Variants in CCDC7 observed in about 807,000 individuals in gnomAD.
CCDC7 encodes the protein coiled-coil domain containing 7, also known as coiled-coil domain-containing protein 7.
CCDC7 carries 183 observed loss-of-function variants against 196.9 expected under a neutral mutation model. That is an observed-to-expected ratio of 0.93 (90% CI 0.82 to 1.05). The LOEUF is 1.05. Among genes scored for constraint, CCDC7 ranks in the 50% least tolerant of loss-of-function variants. CCDC7 has a pLI of 0.00. For synonymous variants in CCDC7, 525 were observed against 484.6 expected, an observed-to-expected ratio of 1.08 and a Z score of -1.10; for missense variants, 1,540 against 1,482.2, an observed-to-expected ratio of 1.04 and a Z score of -0.64.
intron 9 of CCDC7, among the ~76,000 whole-genome samples, chr10:32,495,059 G>T (rs575754052): frequency 6.6e-6 from 1 of 152,230 alleles, no homozygotes; most frequent in African/African-American, 2.4e-5. Context: ...AGCATCTGTT[G>T]TTTCCTGACT....
chr10:32,761,176 A>T (rs1056020911), intron 28 of CCDC7, among the ~76,000 whole-genome samples: 1 of 152,054 alleles, frequency 6.6e-6, no homozygotes, highest in Non-Finnish European at 1.5e-5. Flanking sequence ...TCTTAACATA[A>T]TACAGAAGAG....
intron 33 of CCDC7, among the ~76,000 whole-genome samples, chr10:32,844,030 A>G (rs2093137874): frequency 6.6e-6 from 1 of 151,884 alleles, no homozygotes; most frequent in Admixed American, 6.6e-5. Flanking sequence ...CTTCCATTCT[A>G]TGGTATCTGG....
intron 41 of CCDC7, among the ~76,000 whole-genome samples, chr10:32,861,809 G>T (rs184177912): frequency 0.054 from 8,207 of 152,078 alleles, 726 homozygotes; most frequent in African/African-American, 0.19. Flanking sequence ...ACAAACATAT[G>T]AAAAAAAGAT....
chr10:32,674,488 T>G (rs572995077), intron 21 of CCDC7, among the ~76,000 whole-genome samples: 3 of 152,246 alleles, frequency 2.0e-5, no homozygotes, highest in African/African-American at 7.2e-5. Flanking sequence ...TGTTTAAGAC[T>G]TGTTTTGTGA....
intron 33 of CCDC7, among the ~76,000 whole-genome samples, chr10:32,841,650 G>A (rs1245492427): frequency 1.3e-5 from 2 of 151,876 alleles, no homozygotes; most frequent in African/African-American, 4.8e-5. Flanking sequence ...AGCCCACATA[G>A]CCAAAGCAAG....
At chr10:32,470,987 G>T in intron 5 of CCDC7, 77 bp from the exon 7 acceptor site, 1 of 1,320,536 alleles carries the variant, frequency 7.6e-7, no homozygotes, top group Non-Finnish European at 1.0e-6. Context: ...ATTTAATAAA[G>T]GAGATAATGA....
downstream of CCDC7, among the ~76,000 whole-genome samples, chr10:32,878,652 A>C (rs76905525): frequency 0.043 from 6,472 of 152,170 alleles, 464 homozygotes; most frequent in African/African-American, 0.15. Context: ...TGAGGTAGTC[A>C]GATCTAAGAA....
chr10:32,486,860 A>G (rs912683841), intron 8 of CCDC7, among the ~76,000 whole-genome samples: 6 of 151,776 alleles, frequency 4.0e-5, no homozygotes, highest in African/African-American at 9.7e-5. Flanking sequence ...CCGAGAGATC[A>G]GCTGTTAGTC....
At chr10:32,698,441 G>T (rs1396836960) in intron 24 of CCDC7, among the ~76,000 whole-genome samples, 1 of 152,106 alleles carries the variant, frequency 6.6e-6, no homozygotes, top group Non-Finnish European at 1.5e-5. Flanking sequence ...TTGCAAGGAA[G>T]CTAAAAACCT....
intron 28 of CCDC7, among the ~76,000 whole-genome samples, chr10:32,735,234 C>T (rs1425893511): frequency 3.3e-5 from 5 of 152,182 alleles, no homozygotes; most frequent in Admixed American, 6.5e-5. Context: ...AGCACGATTG[C>T]TGTATCATAT....
chr10:32,632,705 T>G (rs567938399), intron 18 of CCDC7, among the ~76,000 whole-genome samples: 1 of 152,252 alleles, frequency 6.6e-6, no homozygotes, highest in South Asian at 2.1e-4. Context: ...CCATTGGTCA[T>G]TTAGGAGTGT....
In CCDC7 at chr10:32,538,060, T is replaced by C. The variant is rs1018339679; in HGVS notation, c.994-5240T>C. On this transcript the variant is annotated intron_variant, in intron 11 of 41. Coordinates refer to ENST00000639629, the Ensembl canonical transcript of CCDC7. ...ATTGGTAGTTTGATAGGAATAGCATTGAATCTTTAAATCACTTTGGGCAGT... is the reference window on the plus strand; with the variant it reads ...ATTGGTAGTTTGATAGGAATAGCATCGAATCTTTAAATCACTTTGGGCAGT... Among the ~76,000 whole-genome samples, 5 of 152,348 alleles carry C rather than the reference T, an allele frequency of 3.3e-5. No homozygotes were observed. In the East Asian group the frequency reaches 7.7e-4, roughly 24 times the overall value.
intron 20 of CCDC7, among the ~76,000 whole-genome samples, chr10:32,653,827 T>C (rs980561340): frequency 6.6e-6 from 1 of 152,214 alleles, no homozygotes; most frequent in African/African-American, 2.4e-5. Flanking sequence ...AGTTTATTTT[T>C]GAATTTATGG....
chr10:32,877,436 G>A (rs930715369), downstream of CCDC7, among the ~76,000 whole-genome samples: 6 of 152,022 alleles, frequency 3.9e-5, no homozygotes, highest in African/African-American at 1.4e-4. Flanking sequence ...CCGATAATTG[G>A]GTTGTGAATA....
chr10:32,703,209 G>A (rs970654053), intron 24 of CCDC7, among the ~76,000 whole-genome samples: 1 of 151,994 alleles, frequency 6.6e-6, no homozygotes, highest in African/African-American at 2.4e-5. Context: ...GGGCAGGCCT[G>A]GTGGTGACAA....
chr10:32,576,753 G>A (rs2058241713), intron 16 of CCDC7, among the ~76,000 whole-genome samples: 2 of 151,886 alleles, frequency 1.3e-5, no homozygotes, highest in African/African-American at 4.8e-5. Context: ...GTCTCCCTAT[G>A]TTGCCCAGGC....
In CCDC7 at chr10:32,474,210, C is replaced by CTTTTTTT. The variant is rs71027095; in HGVS notation, c.796+211_796+217dup. ...GGATACGTGTTACTGAAACTAGATT[C>CTTTTTTT]TTTTTTTTTTTTTTTTTTTTTTTTT... On this transcript the variant is annotated intron_variant, in intron 8 of 41. Coordinates refer to ENST00000639629, the Ensembl canonical transcript of CCDC7. Among the ~76,000 whole-genome samples, 7 of 58,964 alleles carry CTTTTTTT rather than the reference C, an allele frequency of 1.2e-4. 1 individual carries two copies. The highest frequency in any genetic ancestry group is 1.2e-3 in the East Asian group (2 of 1,702). 38.7% of individuals were successfully genotyped at this position (58,964 alleles called of 152,430 possible). A position where few individuals can be genotyped will look rare whatever the true frequency, so the allele number is the denominator to read the frequency against.
Position 32,752,219 on chromosome 10 carries a change from G to A in CCDC7, c.2905+22762G>A, listed in dbSNP as rs144763484. ...AGCACTAATGTAGCTGAGGCATGAG[G>A]TTGACTAGTATTTATAGCCCTCTAA... On this transcript the variant is annotated intron_variant, in intron 28 of 41. Transcript: ENST00000639629. Among the ~76,000 whole-genome samples the A allele has an allele frequency of 5.2e-4, 79 of 151,168 alleles. No homozygotes were observed. In the East Asian group the frequency reaches 0.013, roughly 25 times the overall value.
At chr10:32,618,522 C>G (rs545408681) in intron 18 of CCDC7, among the ~76,000 whole-genome samples, 6 of 152,130 alleles carry the variant, frequency 3.9e-5, no homozygotes, top group African/African-American at 1.2e-4. Context: ...ATTTGCTTAT[C>G]TGAGAAAGAC....
Sources: allele counts gnomAD v4.1 joint callset (sites outside exome capture counted in the v4.1 genomes callset), GRCh38; gene constraint gnomAD v4.1.1; transcripts MANE v1.5; gene names NCBI Gene and HGNC (gene_info 2026-07-23, HGNC 2026-07-21).